The following LPP variants were observed in gnomAD, a reference collection of about 807,000 sequenced individuals.
LPP encodes lipoma-preferred partner.
A neutral mutation model predicts 60.4 loss-of-function variants in LPP; 38 were observed. That is an observed-to-expected ratio of 0.63 (90% CI 0.49 to 0.83). The LOEUF is 0.83. Among genes scored for constraint, LPP ranks in the 40% least tolerant of loss-of-function variants. The probability of loss-of-function intolerance (pLI) is 0.00; values close to 1 mark genes in which losing one functional copy is unlikely to be tolerated. For synonymous variants in LPP, 328 were observed against 290.8 expected (o/e 1.13, Z -1.30); for missense variants, 902 against 783.6 (o/e 1.15, Z -1.80).
chr3:188,280,702 A>G (rs1207122601), intron 2 of LPP, among the ~76,000 whole-genome samples: 1 of 152,128 alleles, frequency 6.6e-6, no homozygotes, highest in Non-Finnish European at 1.5e-5. Flanking sequence ...CAAGAGCCAG[A>G]ACAGGGTCTT....
intron 5 of LPP, among the ~76,000 whole-genome samples, chr3:188,495,101 A>G (rs1342627855): frequency 2.3e-4 from 12 of 51,226 alleles, no homozygotes; most frequent in Admixed American, 5.3e-4. Context: ...ATATTTTATT[A>G]TATATTTTTA....
intron 2 of LPP, among the ~76,000 whole-genome samples, chr3:188,242,284 C>CT (rs1725231152): frequency 6.6e-6 from 1 of 152,062 alleles, no homozygotes; most frequent in South Asian, 2.1e-4. Context: ...TAAAAGCCTG[C>CT]TTTTTATCCT....
At chr3:188,253,309 G>A (rs367786155) in intron 2 of LPP, among the ~76,000 whole-genome samples, 5 of 152,108 alleles carry the variant, frequency 3.3e-5, no homozygotes, top group South Asian at 2.1e-4. Flanking sequence ...GACTTTGTTC[G>A]TAGTTAGAGA....
intron 4 of LPP, among the ~76,000 whole-genome samples, chr3:188,428,596 A>ATT (rs3057781): frequency 0.16 from 23,238 of 142,436 alleles, 2,205 homozygotes; most frequent in East Asian, 0.24. Context: ...ATATATATAT[A>ATT]TTTTTTTTTT....
chr3:188,175,989 C>A (rs1030690181), intron 1 of LPP, among the ~76,000 whole-genome samples: 1 of 152,014 alleles, frequency 6.6e-6, no homozygotes, highest in Non-Finnish European at 1.5e-5. Flanking sequence ...GATGAGAGAG[C>A]CAGATGACCC....
rs149270371 is a variant in LPP at position 188,598,521 on chromosome 3, G to A, written c.430-10640G>A. ...CTGCATCAAGAGGAGAAAAAAAATT[G>A]TGATCACGTTTATAACATATAATCA... On this transcript the variant is annotated intron_variant, in intron 6 of 11. Coordinates refer to ENST00000617246, the MANE Select transcript of LPP (RefSeq NM_001375462.1). Among the ~76,000 whole-genome samples the A allele has an allele frequency of 3.9e-5, 6 of 152,144 alleles. No individual in the cohort carries two copies. The East Asian group carries it at 1.2e-3, about 29-fold the overall frequency.
chr3:188,683,674 A>G (rs1860020878), intron 7 of LPP, among the ~76,000 whole-genome samples: 1 of 152,166 alleles, frequency 6.6e-6, no homozygotes, highest in Admixed American at 6.5e-5. Flanking sequence ...ACCCCTTGTA[A>G]TTTGTTAAAA....
At chr3:188,460,694 G>A (rs1219726562) in intron 4 of LPP, among the ~76,000 whole-genome samples, 1 of 152,140 alleles carries the variant, frequency 6.6e-6, no homozygotes, top group African/African-American at 2.4e-5. Flanking sequence ...AAAGAACATG[G>A]CAAAGTGTGG....
intron 9 of LPP, among the ~76,000 whole-genome samples, chr3:188,796,098 G>T (rs1175736355): frequency 1.3e-5 from 2 of 152,186 alleles, no homozygotes; most frequent in Non-Finnish European, 2.9e-5. Flanking sequence ...TCTGTTAAGG[G>T]AGATGGACAG....
chr3:188,651,752 G>A (rs1211849239), intron 7 of LPP, among the ~76,000 whole-genome samples: 1 of 152,110 alleles, frequency 6.6e-6, no homozygotes, highest in Admixed American at 6.6e-5. Context: ...GCACGGGAAA[G>A]GCCTGCCCCC....
intron 2 of LPP, among the ~76,000 whole-genome samples, chr3:188,225,779 A>G (rs1717515281): frequency 1.3e-5 from 2 of 152,336 alleles, no homozygotes; most frequent in South Asian, 2.1e-4. Context: ...AGGTGGTAGC[A>G]TTGAACTTGG....
intron 7 of LPP, among the ~76,000 whole-genome samples, chr3:188,642,744 C>T (rs1050547157): frequency 6.6e-5 from 10 of 152,080 alleles, no homozygotes; most frequent in African/African-American, 2.2e-4. Context: ...TGAGACCAGC[C>T]TGACCAACAT....
At chr3:188,757,665 G>A (rs1007768239) in intron 8 of LPP, among the ~76,000 whole-genome samples, 4 of 152,044 alleles carry the variant, frequency 2.6e-5, no homozygotes, top group African/African-American at 7.2e-5. Context: ...TATAGAAAAA[G>A]AATTTTGTTG....
chr3:188,536,109 A>G (rs1044469627), intron 6 of LPP, among the ~76,000 whole-genome samples: 2 of 151,186 alleles, frequency 1.3e-5, no homozygotes, highest in Non-Finnish European at 2.9e-5. Context: ...CCCGGGTTCA[A>G]GCAATTCTCC....
chr3:188,684,829 A>G (rs573584555), intron 7 of LPP, among the ~76,000 whole-genome samples: 1 of 152,304 alleles, frequency 6.6e-6, no homozygotes, highest in South Asian at 2.1e-4. Flanking sequence ...ATGGTGCTCA[A>G]ACTTAGCCAA....
intron 5 of LPP, among the ~76,000 whole-genome samples, chr3:188,487,195 A>G (rs540652372): frequency 2.0e-5 from 3 of 152,364 alleles, no homozygotes; most frequent in East Asian, 1.9e-4. Flanking sequence ...CATTAGAAAC[A>G]AAACAAATAT....
At chr3:188,815,816 G>A (rs924632815) in intron 9 of LPP, among the ~76,000 whole-genome samples, 1 of 152,152 alleles carries the variant, frequency 6.6e-6, no homozygotes, top group Non-Finnish European at 1.5e-5. Flanking sequence ...CAACTGTTCA[G>A]GGAAGACTAG....
chr3:188,295,980 T>C (rs1404381608), intron 2 of LPP, among the ~76,000 whole-genome samples: 7 of 151,942 alleles, frequency 4.6e-5, no homozygotes, highest in African/African-American at 1.7e-4. Context: ...CCTCAAGTCT[T>C]TAAGTTTCCC....
intron 9 of LPP, 49 bp from the exon 10 acceptor site, chr3:188,866,151 T>C: frequency 7.2e-7 from 1 of 1,394,666 alleles, no homozygotes; most frequent in Non-Finnish European, 9.5e-7. Flanking sequence ...TCATGCAGTA[T>C]GGACCCCCTT....
Sources: allele counts gnomAD v4.1 joint callset (sites outside exome capture counted in the v4.1 genomes callset), GRCh38; gene constraint gnomAD v4.1.1; transcripts MANE v1.5; gene names NCBI Gene and HGNC (gene_info 2026-07-23, HGNC 2026-07-21).